Variants in PARD3 observed in about 807,000 individuals in gnomAD.
PARD3 encodes partitioning defective 3 homolog.
PARD3 carries 75 observed loss-of-function variants against 155.4 expected under a neutral mutation model. The ratio of observed to expected loss-of-function variants is 0.48; its 90% CI spans 0.40 to 0.58. The LOEUF (loss-of-function observed/expected upper bound fraction) is 0.58, where lower values mean the gene tolerates loss of function less well. Ranked by LOEUF, PARD3 falls within the 20% of genes least tolerant of loss-of-function variation. The pLI, the probability that PARD3 is intolerant of heterozygous loss-of-function variation, is 0.00. For missense variants in PARD3, 1,642 were observed against 1,721.7 expected (o/e 0.95, Z 0.82); for synonymous variants, 576 against 610.5 (o/e 0.94, Z 0.83).
At chr10:34,627,609 C>T (rs1235807058) in intron 2 of PARD3, among the ~76,000 whole-genome samples, 1 of 152,112 alleles carries the variant, frequency 6.6e-6, no homozygotes, top group African/African-American at 2.4e-5. Context: ...GACTGATGCA[C>T]CTGCAAGGCC....
intron 22 of PARD3, among the ~76,000 whole-genome samples, chr10:34,258,523 A>T (rs1954778208): frequency 6.6e-6 from 1 of 152,140 alleles, no homozygotes; most frequent in South Asian, 2.1e-4. Context: ...GTTTTAGATC[A>T]GTTGGGATCA....
At chr10:34,589,276 G>T (rs1448174536) in intron 2 of PARD3, among the ~76,000 whole-genome samples, 1 of 152,184 alleles carries the variant, frequency 6.6e-6, no homozygotes, top group Non-Finnish European at 1.5e-5. Flanking sequence ...TTAAAAAAGT[G>T]TAGTACTATT....
intron 9 of PARD3, among the ~76,000 whole-genome samples, chr10:34,378,891 A>G (rs1240378317): frequency 6.6e-6 from 1 of 152,202 alleles, no homozygotes; most frequent in African/African-American, 2.4e-5. Context: ...CTTTCTTGAC[A>G]GACAGTCTTA....
chr10:34,814,462 T>G (rs1179410465), intron 1 of PARD3, among the ~76,000 whole-genome samples: 11 of 152,156 alleles, frequency 7.2e-5, no homozygotes. Context: ...GTCCCCGGCC[T>G]GTGCCCCCGG....
intron 2 of PARD3, among the ~76,000 whole-genome samples, chr10:34,598,345 A>G (rs1035157046): frequency 1.3e-5 from 2 of 152,228 alleles, no homozygotes; most frequent in East Asian, 3.8e-4. Flanking sequence ...TTAAATATAA[A>G]TAAAATACTG....
chr10:34,205,686 G>A (rs952247849), intron 22 of PARD3, among the ~76,000 whole-genome samples: 8 of 152,168 alleles, frequency 5.3e-5, no homozygotes, highest in Non-Finnish European at 8.8e-5. Context: ...AGGGGATGGC[G>A]GCAGCAGAGG....
chr10:34,544,225 T>TA (rs2083868605), intron 2 of PARD3, among the ~76,000 whole-genome samples: 1 of 152,196 alleles, frequency 6.6e-6, no homozygotes, highest in Non-Finnish European at 1.5e-5. Flanking sequence ...GAAACATAAG[T>TA]AGTGTCCACA....
chr10:34,319,308 C>T (rs939220238), intron 19 of PARD3, among the ~76,000 whole-genome samples: 2 of 151,416 alleles, frequency 1.3e-5, no homozygotes, highest in Non-Finnish European at 2.9e-5. Context: ...AGGATGGTCT[C>T]GATCTCTTGA....
intron 7 of PARD3, among the ~76,000 whole-genome samples, chr10:34,387,291 T>A (rs1484111517): frequency 6.6e-6 from 1 of 152,184 alleles, no homozygotes; most frequent in South Asian, 2.1e-4. Context: ...ATATAAACGG[T>A]CTTCAATGGA....
At chr10:34,156,154 G>A (rs1461173286) in intron 22 of PARD3, among the ~76,000 whole-genome samples, 1 of 152,122 alleles carries the variant, frequency 6.6e-6, no homozygotes, top group Admixed American at 6.5e-5. Context: ...GTCACCCAGG[G>A]TGGAGTGCAG....
intron 2 of PARD3, among the ~76,000 whole-genome samples, chr10:34,680,863 T>A (rs900480495): frequency 1.0e-4 from 15 of 145,780 alleles, no homozygotes; most frequent in South Asian, 4.6e-4. Context: ...AGGGATAGCA[T>A]TGGGAGATAT....
chr10:34,553,744 C>T (rs2084778114), intron 2 of PARD3, among the ~76,000 whole-genome samples: 1 of 152,110 alleles, frequency 6.6e-6, no homozygotes, highest in African/African-American at 2.4e-5. Flanking sequence ...TTATTAACCC[C>T]CTTGGATCAA....
At chr10:34,266,659 G>C (rs1258423683) in intron 22 of PARD3, among the ~76,000 whole-genome samples, 5 of 152,276 alleles carry the variant, frequency 3.3e-5, no homozygotes, top group African/African-American at 9.6e-5. Context: ...TGTCTAAGAT[G>C]TGATTCTGAG....
intron 22 of PARD3, among the ~76,000 whole-genome samples, chr10:34,252,021 G>C (rs951655685): frequency 2.6e-5 from 4 of 152,266 alleles, no homozygotes; most frequent in Admixed American, 2.0e-4. Flanking sequence ...TGGAGGAGAC[G>C]GATGATAACA....
At chr10:34,477,125 A>G (rs1256793030) in intron 3 of PARD3, among the ~76,000 whole-genome samples, 1 of 152,190 alleles carries the variant, frequency 6.6e-6, no homozygotes, top group East Asian at 1.9e-4. Flanking sequence ...CAGCATTATT[A>G]ATAATCTGAT....
At chr10:34,583,944 TATG>T (rs1432772538) in intron 2 of PARD3, among the ~76,000 whole-genome samples, 1 of 152,222 alleles carries the variant, frequency 6.6e-6, no homozygotes, top group Non-Finnish European at 1.5e-5. Context: ...AATTCATATC[TATG>T]ATGCTACCAA....
chr10:34,333,982 C>T (rs1343696126), intron 18 of PARD3, among the ~76,000 whole-genome samples: 3 of 151,798 alleles, frequency 2.0e-5, no homozygotes, highest in Non-Finnish European at 4.4e-5. Context: ...ATACAAACAG[C>T]ATTTTACTAG....
intron 1 of PARD3, among the ~76,000 whole-genome samples, chr10:34,701,718 G>C (rs1225480790): frequency 6.6e-6 from 1 of 152,110 alleles, no homozygotes; most frequent in African/African-American, 2.4e-5. Context: ...AACGTAGTGA[G>C]GCCCCATCTC....
At chr10:34,392,967 A>AT (rs2132103870) in intron 7 of PARD3, among the ~76,000 whole-genome samples, 1 of 152,132 alleles carries the variant, frequency 6.6e-6, no homozygotes, top group East Asian at 1.9e-4. Context: ...TCAGCCAGCA[A>AT]TATGTTTTTG....
Sources: allele counts gnomAD v4.1 joint callset (sites outside exome capture counted in the v4.1 genomes callset), GRCh38; gene constraint gnomAD v4.1.1; transcripts MANE v1.5; gene names NCBI Gene and HGNC (gene_info 2026-07-23, HGNC 2026-07-21).